Variants in SLC2A13 observed in about 807,000 individuals in gnomAD.
The protein encoded by SLC2A13 is solute carrier family 2 member 13, also known as proton myo-inositol cotransporter.
Under a neutral mutation model 64.4 loss-of-function variants are expected in SLC2A13, and 32 were observed. That is an observed-to-expected ratio of 0.50 (90% CI 0.37 to 0.67). The LOEUF (loss-of-function observed/expected upper bound fraction) is 0.67, where lower values mean the gene tolerates loss of function less well. SLC2A13 is among the 30% of genes least tolerant of loss of function. The pLI is 0.00. For missense variants in SLC2A13, 743 were observed against 829.2 expected, an observed-to-expected ratio of 0.90 and a Z score of 1.28; for synonymous variants, 338 against 327.1, an observed-to-expected ratio of 1.03 and a Z score of -0.36.
intron 4 of SLC2A13, among the ~76,000 whole-genome samples, chr12:39,879,792 T>C (rs1051174501): frequency 2.0e-5 from 3 of 152,036 alleles, no homozygotes; most frequent in South Asian, 2.1e-4. Context: ...TGAGGGACCA[T>C]TGGGAAGGCA....
At chr12:39,807,769 G>A (rs994721920) in intron 7 of SLC2A13, among the ~76,000 whole-genome samples, 1 of 152,042 alleles carries the variant, frequency 6.6e-6, no homozygotes, top group Non-Finnish European at 1.5e-5. Flanking sequence ...TGGAGAGTTG[G>A]GTCTTCTCCC....
At chr12:39,898,077 A>C (rs1944974415) in intron 4 of SLC2A13, among the ~76,000 whole-genome samples, 1 of 152,106 alleles carries the variant, frequency 6.6e-6, no homozygotes, top group Non-Finnish European at 1.5e-5. Flanking sequence ...TTTAGCAAAC[A>C]ATCCGTTGTT....
At chr12:39,938,326 G>C (rs539677529) in intron 4 of SLC2A13, among the ~76,000 whole-genome samples, 11 of 151,924 alleles carry the variant, frequency 7.2e-5, no homozygotes, top group Admixed American at 1.3e-4. Context: ...TTCAAATCCA[G>C]ATCTAACACC....
chr12:39,877,401 C>G (rs1308085695), intron 4 of SLC2A13, among the ~76,000 whole-genome samples: 12 of 152,158 alleles, frequency 7.9e-5, no homozygotes, highest in Admixed American at 7.9e-4. Flanking sequence ...TGGAACCCCC[C>G]CTCCATGATT....
intron 4 of SLC2A13, among the ~76,000 whole-genome samples, chr12:39,896,576 G>GCA (rs1944919342): frequency 1.0e-5 from 1 of 97,566 alleles, no homozygotes; most frequent in Admixed American, 1.1e-4. Flanking sequence ...ATGTATGTAT[G>GCA]TGTGTATATA....
At chr12:39,778,735 C>A (rs1470073609) in intron 7 of SLC2A13, among the ~76,000 whole-genome samples, 3 of 152,064 alleles carry the variant, frequency 2.0e-5, no homozygotes, top group Non-Finnish European at 2.9e-5. Context: ...ACATACATTG[C>A]CCCAGGTGTT....
intron 6 of SLC2A13, among the ~76,000 whole-genome samples, chr12:39,832,329 A>G (rs949696517): frequency 3.3e-5 from 5 of 152,188 alleles, no homozygotes; most frequent in African/African-American, 1.2e-4. Context: ...CAATGGCCTT[A>G]AATGATACTC....
chr12:40,059,748 A>T (rs1189495375), intron 1 of SLC2A13, among the ~76,000 whole-genome samples: 2 of 152,172 alleles, frequency 1.3e-5, no homozygotes, highest in African/African-American at 4.8e-5. Flanking sequence ...GTGATCGGAC[A>T]AAAAGGGTAT....
intron 3 of SLC2A13, among the ~76,000 whole-genome samples, chr12:39,988,718 G>A (rs984630564): frequency 7.9e-6 from 1 of 127,148 alleles, no homozygotes; most frequent in Non-Finnish European, 1.7e-5. Context: ...AGGAAGGAAG[G>A]AAGGAAGGAA....
chr12:39,784,836 C>CA (rs1181316243), intron 7 of SLC2A13, among the ~76,000 whole-genome samples: 1 of 152,136 alleles, frequency 6.6e-6, no homozygotes, highest in Non-Finnish European at 1.5e-5. Context: ...TATGTTTTAG[C>CA]AAGAGACTGG....
intron 1 of SLC2A13, among the ~76,000 whole-genome samples, chr12:40,087,843 ATAAAT>A (rs958538500): frequency 3.3e-5 from 5 of 152,346 alleles, no homozygotes; most frequent in African/African-American, 9.6e-5. Flanking sequence ...ACTCACTAGT[ATAAAT>A]TAAATAATTT....
At chr12:39,978,381 C>T (rs907541169) in intron 3 of SLC2A13, among the ~76,000 whole-genome samples, 7 of 152,138 alleles carry the variant, frequency 4.6e-5, no homozygotes, top group Non-Finnish European at 8.8e-5. Context: ...ATGCAGAAGA[C>T]GGGTGATTTC....
intron 5 of SLC2A13, among the ~76,000 whole-genome samples, chr12:39,865,445 T>C (rs1486580487): frequency 6.6e-6 from 1 of 152,184 alleles, no homozygotes; most frequent in African/African-American, 2.4e-5. Context: ...AAATAATATA[T>C]CACATATATT....
chr12:39,979,865 T>C (rs1337204811), intron 3 of SLC2A13, among the ~76,000 whole-genome samples: 8 of 126,718 alleles, frequency 6.3e-5, no homozygotes, highest in African/African-American at 2.1e-4. Context: ...CCAAGACACA[T>C]AATTGTCAGA....
Position 39,756,223 on chromosome 12 carries a change from A to G in SLC2A13, c.*3803T>C, listed in dbSNP as rs1166494969. On this transcript the variant is annotated 3_prime_UTR_variant, in exon 10 of 10. Transcript: ENST00000280871. ...TTGGCAGCAGCTACATATGAGCTATAAATTTTAACCACAATTTAATACATT... is the reference window on the plus strand; with the variant it reads ...TTGGCAGCAGCTACATATGAGCTATGAATTTTAACCACAATTTAATACATT... The G allele has an allele frequency of 6.6e-6, 1 of 151,994 alleles. No individual in the cohort carries two copies. Among genetic ancestry groups the G allele is most frequent in the East Asian group, 1.9e-4 (1 of 5,316 alleles). The allele number at this position is 151,994 out of a possible 1,614,324, so 9.4% of individuals were successfully genotyped here.
intron 4 of SLC2A13, among the ~76,000 whole-genome samples, chr12:39,905,616 G>A (rs1945250625): frequency 6.6e-6 from 1 of 151,920 alleles, no homozygotes; most frequent in Non-Finnish European, 1.5e-5. Context: ...TATTAGTCTT[G>A]CAAATGCTGC....
Position 39,758,168 on chromosome 12 carries a change from T to C in SLC2A13, c.*1858A>G, listed in dbSNP as rs2135703235. The C allele has an allele frequency of 6.6e-6, 1 of 151,766 alleles. No individual in the cohort carries two copies. Among genetic ancestry groups the C allele is most frequent in the Middle Eastern group, 3.4e-3 (1 of 294 alleles). 9.4% of individuals were successfully genotyped at this position (151,766 alleles called of 1,614,324 possible). On this transcript the variant is annotated 3_prime_UTR_variant, in exon 10 of 10. Coordinates refer to ENST00000280871, the MANE Select transcript of SLC2A13 (RefSeq NM_052885.4). Reference sequence around the variant, plus strand: ...AAGCACCTAATTCAAGGAAAAAACCTCTATAAAATATTAATTTTTTTTATT... The same window carrying C: ...AAGCACCTAATTCAAGGAAAAAACCCCTATAAAATATTAATTTTTTTTATT...
chr12:39,967,419 T>C (rs967471029), intron 3 of SLC2A13, among the ~76,000 whole-genome samples: 3 of 152,186 alleles, frequency 2.0e-5, no homozygotes, highest in African/African-American at 4.8e-5. Context: ...CTCTCAGGGA[T>C]ACCCTGTCCT....
rs968628923 is a variant in SLC2A13 at position 39,764,127 on chromosome 12, GT to G, written c.1720+332del. On this transcript the variant is annotated intron_variant, in intron 9 of 9. Transcript: ENST00000280871. ...TGCCTACATCTTTTTACCATTTTCTGTTTTTTTTTTTTGTTTGTTTCTGTGA... is the reference window on the plus strand; with the variant it reads ...TGCCTACATCTTTTTACCATTTTCTGTTTTTTTTTTTGTTTGTTTCTGTGA... 2.1e-3 allele frequency among the ~76,000 whole-genome samples: 313 copies of G among 151,228 alleles called. 1 individual carries two copies. The highest frequency in any genetic ancestry group is 6.8e-3 in the African/African-American group (282 of 41,364).
Sources: allele counts gnomAD v4.1 joint callset (sites outside exome capture counted in the v4.1 genomes callset), GRCh38; gene constraint gnomAD v4.1.1; transcripts MANE v1.5; gene names NCBI Gene and HGNC (gene_info 2026-07-23, HGNC 2026-07-21).